The following EFNA5 variants were observed in gnomAD, a reference collection of about 807,000 sequenced individuals.
The protein encoded by EFNA5 is ephrin A5, also known as ephrin-A5.
Under a neutral mutation model 22.9 loss-of-function variants are expected in EFNA5, and 5 were observed. That is an observed-to-expected ratio of 0.22 (90% CI 0.11 to 0.46). The LOEUF (loss-of-function observed/expected upper bound fraction) is 0.46, where lower values mean the gene tolerates loss of function less well. Among genes scored for constraint, EFNA5 ranks in the 20% least tolerant of loss-of-function variants. The pLI is 0.99. For synonymous variants in EFNA5, 113 were observed against 112.2 expected, an observed-to-expected ratio of 1.01 and a Z score of -0.04; for missense variants, 237 against 293.3, an observed-to-expected ratio of 0.81 and a Z score of 1.40.
At chr5:107,482,391 T>A (rs1750493687) in intron 1 of EFNA5, among the ~76,000 whole-genome samples, 1 of 152,142 alleles carries the variant, frequency 6.6e-6, no homozygotes, top group African/African-American at 2.4e-5. Context: ...GATTTCTTGG[T>A]CCTCCATCTA....
At chr5:107,566,718 G>C (rs960976321) in intron 1 of EFNA5, among the ~76,000 whole-genome samples, 1 of 152,160 alleles carries the variant, frequency 6.6e-6, no homozygotes, top group African/African-American at 2.4e-5. Context: ...TCAACCATAG[G>C]GGAAGCAGAG....
At chr5:107,472,779 T>C (rs946510792) in intron 1 of EFNA5, among the ~76,000 whole-genome samples, 1 of 152,176 alleles carries the variant, frequency 6.6e-6, no homozygotes, top group African/African-American at 2.4e-5. Flanking sequence ...GTACAACTCA[T>C]GTGGGAGGTA....
At chr5:107,597,874 C>T (rs190532987) in intron 1 of EFNA5, among the ~76,000 whole-genome samples, 11 of 152,140 alleles carry the variant, frequency 7.2e-5, no homozygotes, top group East Asian at 1.9e-4. Flanking sequence ...GTGCATCCCC[C>T]GACAGAATTC....
At chr5:107,459,376 GA>G (rs199577115) in intron 1 of EFNA5, among the ~76,000 whole-genome samples, 2,422 of 110,068 alleles carry the variant, frequency 0.022, 62 homozygotes, top group African/African-American at 0.07. Context: ...TGGAACACAT[GA>G]AAAAAAAAAA....
chr5:107,588,907 C>T (rs550102212), intron 1 of EFNA5, among the ~76,000 whole-genome samples: 31 of 152,234 alleles, frequency 2.0e-4, no homozygotes, highest in African/African-American at 5.5e-4. Flanking sequence ...TGAACAGGTG[C>T]GCTGGCTGCA....
chr5:107,649,627 GGCA>G (rs886452663), intron 1 of EFNA5, among the ~76,000 whole-genome samples: 38 of 152,054 alleles, frequency 2.5e-4, no homozygotes, highest in African/African-American at 8.2e-4. Flanking sequence ...GGAGAAAAGA[GGCA>G]GCATTTGATC....
At chr5:107,452,312 G>A (rs1013786789) in intron 1 of EFNA5, among the ~76,000 whole-genome samples, 11 of 151,824 alleles carry the variant, frequency 7.2e-5, no homozygotes, top group East Asian at 1.9e-4. Flanking sequence ...TGTACGTTCC[G>A]CACAAGTATC....
intron 1 of EFNA5, among the ~76,000 whole-genome samples, chr5:107,448,866 T>TAAATAAATAAATAAAATAAAATA (rs111606856): frequency 2.8e-5 from 4 of 141,376 alleles, no homozygotes; most frequent in African/African-American, 8.0e-5. Flanking sequence ...AATAAATAAA[T>TAAATAAATAAATAAAATAAAATA]AAATAAAATA....
chr5:107,563,987 C>T (rs1419981804), intron 1 of EFNA5, among the ~76,000 whole-genome samples: 1 of 152,178 alleles, frequency 6.6e-6, no homozygotes, highest in Non-Finnish European at 1.5e-5. Flanking sequence ...CTTGGGACTA[C>T]TATTTGCCTC....
chr5:107,513,525 T>C (rs555655222), intron 1 of EFNA5, among the ~76,000 whole-genome samples: 1 of 152,064 alleles, frequency 6.6e-6, no homozygotes, highest in African/African-American at 2.4e-5. Flanking sequence ...TGGGCAGATG[T>C]TAGAATTTTA....
intron 2 of EFNA5, among the ~76,000 whole-genome samples, chr5:107,408,292 A>G (rs181387022): frequency 6.6e-6 from 1 of 152,262 alleles, no homozygotes; most frequent in Non-Finnish European, 1.5e-5. Context: ...TTTTATCTCA[A>G]TCTCAAAGAA....
At chr5:107,567,691 T>C (rs73198656) in intron 1 of EFNA5, among the ~76,000 whole-genome samples, 6,093 of 152,176 alleles carry the variant, frequency 0.04, 422 homozygotes, top group African/African-American at 0.14. Context: ...AGCAGGACCA[T>C]TAACTTTATA....
chr5:107,611,438 A>C (rs894949959), intron 1 of EFNA5, among the ~76,000 whole-genome samples: 1 of 152,226 alleles, frequency 6.6e-6, no homozygotes, highest in African/African-American at 2.4e-5. Context: ...AAACAAGGTA[A>C]AACGGTTCGC....
chr5:107,580,721 C>CAAAAAAAAAAAAAAAAAAAA (rs56868732), intron 1 of EFNA5, among the ~76,000 whole-genome samples: 1 of 83,688 alleles, frequency 1.2e-5, no homozygotes, highest in Non-Finnish European at 2.3e-5. Flanking sequence ...GACTCCATCT[C>CAAAAAAAAAAAAAAAAAAAA]AAAAAAAAAA....
intron 1 of EFNA5, among the ~76,000 whole-genome samples, chr5:107,572,139 G>A (rs942088138): frequency 6.6e-6 from 1 of 152,022 alleles, no homozygotes; most frequent in Admixed American, 6.5e-5. Context: ...GAGAACGTGC[G>A]TGATGTGAGT....
chr5:107,651,975 C>T (rs867980755), intron 1 of EFNA5, among the ~76,000 whole-genome samples: 4 of 152,270 alleles, frequency 2.6e-5, no homozygotes, highest in African/African-American at 9.6e-5. Flanking sequence ...TAATGGTCCT[C>T]CTTCCCCTAC....
chr5:107,647,933 G>C (rs1035381058), intron 1 of EFNA5, among the ~76,000 whole-genome samples: 22 of 152,170 alleles, frequency 1.4e-4, no homozygotes, highest in Non-Finnish European at 1.5e-5. Context: ...AGGTCTATAA[G>C]CAAAGCTGTC....
intron 1 of EFNA5, among the ~76,000 whole-genome samples, chr5:107,553,732 G>T (rs1406632845): frequency 6.6e-6 from 1 of 152,180 alleles, no homozygotes; most frequent in South Asian, 2.1e-4. Context: ...ATAGATAATA[G>T]TGATGAGATG....
At chr5:107,448,602 G>A (rs1749459572) in intron 1 of EFNA5, among the ~76,000 whole-genome samples, 1 of 151,884 alleles carries the variant, frequency 6.6e-6, no homozygotes, top group Non-Finnish European at 1.5e-5. Flanking sequence ...AGGCTGAGGC[G>A]GGCGGATCAC....
Sources: allele counts gnomAD v4.1 joint callset (sites outside exome capture counted in the v4.1 genomes callset), GRCh38; gene constraint gnomAD v4.1.1; transcripts MANE v1.5; gene names NCBI Gene and HGNC (gene_info 2026-07-23, HGNC 2026-07-21).